GIN1: variants seen among roughly 807,000 people sequenced by gnomAD.
GIN1 encodes gypsy retrotransposon integrase-like protein 1.
GIN1 carries 41 observed loss-of-function variants against 51.4 expected under a neutral mutation model. That is an observed-to-expected ratio of 0.80 (90% CI 0.62 to 1.04). The LOEUF (loss-of-function observed/expected upper bound fraction) is 1.04, where lower values mean the gene tolerates loss of function less well. Among genes scored for constraint, GIN1 ranks in the 50% least tolerant of loss-of-function variants. The probability of loss-of-function intolerance (pLI) is 0.00; values close to 1 mark genes in which losing one functional copy is unlikely to be tolerated. For synonymous variants in GIN1, 222 were observed against 206.5 expected (o/e 1.07, Z -0.64); for missense variants, 610 against 612.4 (o/e 1.00, Z 0.04).
chr5:103,089,612 A>G (rs1787180339), intron 7 of GIN1, among the ~76,000 whole-genome samples: 1 of 152,084 alleles, frequency 6.6e-6, no homozygotes, highest in African/African-American at 2.4e-5. Context: ...ACATGTCACT[A>G]TGCCTGGCTA....
intron 4 of GIN1, among the ~76,000 whole-genome samples, chr5:103,098,265 C>A (rs577453756): frequency 5.9e-5 from 9 of 151,958 alleles, no homozygotes; most frequent in Non-Finnish European, 1.3e-4. Context: ...ATAGTGATTG[C>A]CATTTATTGA....
At chr5:103,098,478 T>C (rs1787471506) in intron 4 of GIN1, among the ~76,000 whole-genome samples, 1 of 151,916 alleles carries the variant, frequency 6.6e-6, no homozygotes, top group Non-Finnish European at 1.5e-5. Flanking sequence ...AATTTTTTTC[T>C]TTTTTTTGGT....
chr5:103,097,472 G>A lies in GIN1; in HGVS notation c.850C>T (p.Pro284Ser). The A allele has an allele frequency of 6.4e-7, 1 of 1,553,584 alleles. No homozygotes were observed. Residue 284 changes from proline to serine, a missense_variant, in exon 6 of 8, where the codon CCA (proline) becomes TCA (serine). Coordinates refer to ENST00000399004, the MANE Select transcript of GIN1 (RefSeq NM_017676.2). ...VTHLEPTKNT[P>S]YFQMFSRNPY... is the part of the protein sequence containing the mutation. ...TTTCGACTAAACATTTGAAAATATG[G>A]TGTATTTTTAGTAGGTTCCTATTTT...
chr5:103,113,662 C>T (rs188831215), intron 1 of GIN1, among the ~76,000 whole-genome samples: 8 of 152,072 alleles, frequency 5.3e-5, no homozygotes, highest in South Asian at 4.2e-4. Flanking sequence ...ACTGGGACTA[C>T]GGGTGCATGC....
chr5:103,093,385 G>T (rs375717158), intron 7 of GIN1, among the ~76,000 whole-genome samples: 1 of 152,144 alleles, frequency 6.6e-6, no homozygotes, highest in African/African-American at 2.4e-5. Context: ...AAGATAGAGG[G>T]ACCACAAGCC....
At chr5:103,110,952 C>T (rs1444103209) in intron 1 of GIN1, among the ~76,000 whole-genome samples, 5 of 152,064 alleles carry the variant, frequency 3.3e-5, no homozygotes, top group African/African-American at 9.7e-5. Context: ...ACTAGTGGCA[C>T]CCTACTGCCC....
At chr5:103,114,370 T>C (rs1022524191) in intron 1 of GIN1, among the ~76,000 whole-genome samples, 4 of 152,214 alleles carry the variant, frequency 2.6e-5, no homozygotes, top group Admixed American at 6.5e-5. Flanking sequence ...TATAAATGGA[T>C]AGATACATTA....
At chr5:103,118,777 T>G (rs1788187455) in intron 1 of GIN1, among the ~76,000 whole-genome samples, 1 of 85,692 alleles carries the variant, frequency 1.2e-5, no homozygotes, top group African/African-American at 3.3e-5. Context: ...CCCATACATA[T>G]GAGAAAATGG....
chr5:103,106,668 T>C (rs781864375), intron 3 of GIN1, 48 bp downstream of exon 3: 3 of 1,073,718 alleles, frequency 2.8e-6, no homozygotes, highest in Non-Finnish European at 4.0e-6. Flanking sequence ...ATTTTAAGTA[T>C]CTATCAGAAA....
intron 1 of GIN1, among the ~76,000 whole-genome samples, chr5:103,118,213 T>C (rs1195364435): frequency 6.6e-6 from 1 of 152,172 alleles, no homozygotes; most frequent in Admixed American, 6.5e-5. Flanking sequence ...CACTTTCACA[T>C]ACATGGCACT....
At chr5:103,114,060 T>C (rs1387358025) in intron 1 of GIN1, among the ~76,000 whole-genome samples, 2 of 149,842 alleles carry the variant, frequency 1.3e-5, no homozygotes, top group Non-Finnish European at 3.0e-5. Context: ...CACCTTTTCA[T>C]TGATATTTTT....
At chr5:103,090,114 C>A (rs2151460433) in intron 7 of GIN1, among the ~76,000 whole-genome samples, 1 of 152,320 alleles carries the variant, frequency 6.6e-6, no homozygotes, top group East Asian at 1.9e-4. Context: ...CACGGTGAAA[C>A]CCCATCTCTA....
At chr5:103,094,961 T>A (rs1479265091) in intron 7 of GIN1, among the ~76,000 whole-genome samples, 1 of 152,186 alleles carries the variant, frequency 6.6e-6, no homozygotes, top group African/African-American at 2.4e-5. Flanking sequence ...GGAAAGGTAC[T>A]AAGAGGTTTT....
At position 103,086,216 on chromosome 5, in the gene GIN1, C is replaced by G. The variant is rs1176896640; in HGVS notation, c.*1682G>C. On this transcript the variant is annotated 3_prime_UTR_variant, in exon 8 of 8. Transcript: ENST00000399004. ...TCTTCACATGGCATTCTCCTTGAGTCTGTGTTCAAATTTTCCCCTTTTATC... is the reference window on the plus strand; with the variant it reads ...TCTTCACATGGCATTCTCCTTGAGTGTGTGTTCAAATTTTCCCCTTTTATC... 3.3e-5 allele frequency: 5 copies of G among 152,176 alleles called. No individual in the cohort carries two copies. Among genetic ancestry groups the G allele is most frequent in the African/African-American group, 1.2e-4 (5 of 41,438 alleles). 9.4% of individuals were successfully genotyped at this position (152,176 alleles called of 1,614,324 possible). A position where few individuals can be genotyped will look rare whatever the true frequency, so the allele number is the denominator to read the frequency against.
rs1175631346 is a variant in GIN1 at position 103,087,176 on chromosome 5, G to T, written c.*722C>A. On this transcript the variant is annotated 3_prime_UTR_variant, in exon 8 of 8. Coordinates refer to ENST00000399004, the MANE Select transcript of GIN1 (RefSeq NM_017676.2). ...TTTTCTGTAGAGATAGGGTCTCCCT[G>T]TGTTGCCCAGGCTGGTCTCGAACTC... 6.6e-6 allele frequency: 1 copy of T among 152,184 alleles called. No homozygotes were observed. Among genetic ancestry groups the T allele is most frequent in the Non-Finnish European group, 1.5e-5 (1 of 68,076 alleles). 9.4% of individuals were successfully genotyped at this position (152,184 alleles called of 1,614,324 possible).
At chr5:103,096,422 C>G (rs1787393976) in intron 7 of GIN1, 119 bp downstream of exon 7, 1 of 783,112 alleles carries the variant, frequency 1.3e-6, no homozygotes, top group Non-Finnish European at 2.1e-6. Context: ...AAAACTGTAA[C>G]AAATTTTATG....
chr5:103,119,884 C>G (rs1286943773), intron 1 of GIN1, among the ~76,000 whole-genome samples, 180 bp downstream of exon 1: 1 of 152,202 alleles, frequency 6.6e-6, no homozygotes, highest in Non-Finnish European at 1.5e-5. Flanking sequence ...TCAGCTAGCG[C>G]GGGACATCGC....
At chr5:103,099,058 A>G (rs1232469629) in intron 4 of GIN1, among the ~76,000 whole-genome samples, 3 of 152,024 alleles carry the variant, frequency 2.0e-5, no homozygotes, top group East Asian at 3.9e-4. Flanking sequence ...TTGTCTTTTT[A>G]AAAAAGAATA....
intron 7 of GIN1, among the ~76,000 whole-genome samples, chr5:103,096,324 G>T (rs1787391073): frequency 6.6e-6 from 1 of 151,894 alleles, no homozygotes; most frequent in Admixed American, 6.6e-5. Context: ...TGGGCAGAAA[G>T]AGGGAAACTC....
Sources: gnomAD v4.1 joint callset for allele counts (sites outside exome capture counted in the v4.1 genomes callset) on GRCh38, gnomAD v4.1.1 for gene constraint, MANE v1.5 for transcripts, NCBI Gene and HGNC (gene_info 2026-07-23, HGNC 2026-07-21) for gene names.